The following RBM47 variants were observed in gnomAD, a reference collection of about 807,000 sequenced individuals.
RBM47 encodes RNA binding motif protein 47.
In RBM47, 21 loss-of-function variants were observed where a neutral mutation model predicts 47.1. The observed-to-expected ratio is 0.45, with a 90% confidence interval of 0.32 to 0.64. The LOEUF is 0.64. Among genes scored for constraint, RBM47 ranks in the 30% least tolerant of loss-of-function variants. RBM47 has a pLI of 0.05. For missense variants in RBM47, 708 were observed against 870.9 expected (o/e 0.81, Z 2.35); for synonymous variants, 375 against 361.7 (o/e 1.04, Z -0.42).
intron 1 of RBM47, among the ~76,000 whole-genome samples, chr4:40,590,246 G>A (rs758958113): frequency 6.6e-6 from 1 of 152,004 alleles, no homozygotes; most frequent in African/African-American, 2.4e-5. Flanking sequence ...TTTAAAGATC[G>A]GAGCTGGGCA....
At chr4:40,529,683 G>A (rs1246041565) in intron 2 of RBM47, among the ~76,000 whole-genome samples, 4 of 150,292 alleles carry the variant, frequency 2.7e-5, no homozygotes, top group Admixed American at 1.3e-4. Flanking sequence ...ACAAAAATTA[G>A]CCAGGTGTGG....
intron 2 of RBM47, among the ~76,000 whole-genome samples, chr4:40,481,478 TTA>T (rs1720399863): frequency 7.9e-6 from 1 of 127,060 alleles, no homozygotes. Flanking sequence ...ATTATTATTA[TTA>T]TTATTATTTT....
intron 2 of RBM47, among the ~76,000 whole-genome samples, chr4:40,500,922 T>C (rs946190422): frequency 5.3e-5 from 8 of 152,150 alleles, no homozygotes; most frequent in African/African-American, 1.4e-4. Flanking sequence ...TTCTATCACG[T>C]CTCTTACTCA....
At chr4:40,610,192 T>TA (rs1258691211) in intron 1 of RBM47, among the ~76,000 whole-genome samples, 1 of 152,130 alleles carries the variant, frequency 6.6e-6, no homozygotes, top group Non-Finnish European at 1.5e-5. Flanking sequence ...GTTCTGCCCT[T>TA]ACTAGCTACA....
At chr4:40,439,341 T>C (rs779680071) in intron 3 of RBM47, among the ~76,000 whole-genome samples, 12 of 152,230 alleles carry the variant, frequency 7.9e-5, no homozygotes, top group African/African-American at 2.9e-4. Flanking sequence ...ACAGCTTTCT[T>C]CTTTTCTTTT....
intron 2 of RBM47, among the ~76,000 whole-genome samples, chr4:40,530,447 C>T (rs1727280330): frequency 6.6e-6 from 1 of 152,090 alleles, no homozygotes; most frequent in African/African-American, 2.4e-5. Context: ...GGACTACAGG[C>T]ACACGCCATC....
At chr4:40,613,868 C>T (rs1388273717) in intron 1 of RBM47, among the ~76,000 whole-genome samples, 3 of 151,588 alleles carry the variant, frequency 2.0e-5, no homozygotes, top group Non-Finnish European at 4.4e-5. Context: ...TTCTCAGCCT[C>T]AGCCCTATGG....
At chr4:40,444,534 C>T (rs939639929) in intron 3 of RBM47, among the ~76,000 whole-genome samples, 8 of 152,258 alleles carry the variant, frequency 5.3e-5, no homozygotes, top group Middle Eastern at 3.4e-3. Context: ...ATTTACTCTC[C>T]GGCTCTGTTG....
At chr4:40,562,393 G>A (rs903392417) in intron 1 of RBM47, among the ~76,000 whole-genome samples, 1 of 151,896 alleles carries the variant, frequency 6.6e-6, no homozygotes, top group Non-Finnish European at 1.5e-5. Context: ...GAAATACACT[G>A]AGGTTGCATC....
chr4:40,533,817 ATTCT>A (rs1227439579), intron 2 of RBM47, among the ~76,000 whole-genome samples: 3 of 149,502 alleles, frequency 2.0e-5, no homozygotes, highest in Middle Eastern at 7.0e-3. Flanking sequence ...TGCCTGGTTA[ATTCT>A]TTTTTTTTTT....
chr4:40,600,985 C>CAAA (rs56054491), intron 1 of RBM47, among the ~76,000 whole-genome samples: 12 of 50,126 alleles, frequency 2.4e-4, no homozygotes, highest in East Asian at 2.0e-3. Flanking sequence ...AACTCCGTCT[C>CAAA]AAAAAAAAAA....
intron 1 of RBM47, among the ~76,000 whole-genome samples, chr4:40,584,964 T>C (rs181919899): frequency 3.3e-5 from 5 of 152,290 alleles, no homozygotes; most frequent in Admixed American, 3.3e-4. Context: ...TTCCAACTAA[T>C]GGAGGCGCAG....
At chr4:40,606,899 C>T (rs76982644) in intron 1 of RBM47, among the ~76,000 whole-genome samples, 1 of 152,076 alleles carries the variant, frequency 6.6e-6, no homozygotes, top group African/African-American at 2.4e-5. Context: ...GGGAGGATCA[C>T]TTGAGACCAG....
chr4:40,505,653 C>T (rs936500962), intron 2 of RBM47, among the ~76,000 whole-genome samples: 5 of 151,422 alleles, frequency 3.3e-5, no homozygotes, highest in African/African-American at 7.3e-5. Flanking sequence ...TTTGGGAGGC[C>T]GAGGCGGGTA....
chr4:40,614,573 C>T (rs1736547026), intron 1 of RBM47, among the ~76,000 whole-genome samples: 1 of 151,940 alleles, frequency 6.6e-6, no homozygotes, highest in Admixed American at 6.6e-5. Flanking sequence ...GTGGCTCACA[C>T]CTGTAATTAC....
intron 2 of RBM47, among the ~76,000 whole-genome samples, chr4:40,539,841 G>A (rs901972406): frequency 6.7e-6 from 1 of 148,656 alleles, no homozygotes; most frequent in Non-Finnish European, 1.5e-5. Flanking sequence ...AGAGATCTGT[G>A]ACTTCACTAA....
intron 2 of RBM47, among the ~76,000 whole-genome samples, chr4:40,535,594 C>T (rs1171463435): frequency 6.7e-6 from 1 of 148,978 alleles, no homozygotes; most frequent in Admixed American, 6.7e-5. Context: ...GGAGTCTAGC[C>T]CTGTCGCCCA....
chr4:40,476,118 T>C (rs1474425250), intron 2 of RBM47, among the ~76,000 whole-genome samples: 1 of 152,174 alleles, frequency 6.6e-6, no homozygotes, highest in Non-Finnish European at 1.5e-5. Flanking sequence ...TAGATGCCCA[T>C]TACATTTGTA....
chr4:40,570,994 T>C (rs1187526591), intron 1 of RBM47, among the ~76,000 whole-genome samples: 1 of 151,958 alleles, frequency 6.6e-6, no homozygotes, highest in African/African-American at 2.4e-5. Context: ...GGCAGGTGGA[T>C]CACCTGAGGT....
Sources: gnomAD v4.1 joint callset for allele counts (sites outside exome capture counted in the v4.1 genomes callset) on GRCh38, gnomAD v4.1.1 for gene constraint, MANE v1.5 for transcripts, NCBI Gene and HGNC (gene_info 2026-07-23, HGNC 2026-07-21) for gene names.